Variants in DLG2 observed in about 807,000 individuals in gnomAD.
DLG2 encodes discs large MAGUK scaffold protein 2, also known as disks large homolog 2.
DLG2 carries 45 observed loss-of-function variants against 132.5 expected under a neutral mutation model. The observed-to-expected ratio is 0.34, with a 90% CI of 0.27 to 0.44. DLG2 has a LOEUF of 0.44. Among genes scored for constraint, DLG2 ranks in the 20% least tolerant of loss-of-function variants. The probability of loss-of-function intolerance (pLI) is 1.00; values close to 1 mark genes in which losing one functional copy is unlikely to be tolerated. For missense variants in DLG2, 1,045 were observed against 1,196.9 expected (o/e 0.87, Z 1.87); for synonymous variants, 424 against 419.6 (o/e 1.01, Z -0.13).
chr11:83,754,338 G>A (rs2093561187), intron 18 of DLG2, among the ~76,000 whole-genome samples: 1 of 150,922 alleles, frequency 6.6e-6, no homozygotes, highest in Non-Finnish European at 1.5e-5. Flanking sequence ...CACTTATTTT[G>A]CATTAAATGT....
At position 85,195,523 on chromosome 11, in the gene DLG2, GT is replaced by G. The variant is rs34574453; in HGVS notation, c.187-40873del. 5.7e-3 allele frequency among the ~76,000 whole-genome samples: 767 copies of G among 133,702 alleles called. 1 individual carries two copies. The highest frequency in any genetic ancestry group is 0.011 in the African/African-American group (416 of 36,590). The allele number at this position is 133,702 out of a possible 152,430, so 87.7% of individuals were successfully genotyped here. A position where few individuals can be genotyped will look rare whatever the true frequency, so the allele number is the denominator to read the frequency against. ...AATTATTTTCTCTGAAAGTGACAGT[GT>G]TTTTTTTTTTTTTTTTTGAGACGGA... On this transcript the variant is annotated intron_variant, in intron 4 of 27. Transcript: ENST00000376104.
In DLG2 at chr11:84,166,939, C is replaced by T. The variant is rs533326448; in HGVS notation, c.574-3428G>A. On this transcript the variant is annotated intron_variant, in intron 8 of 27. Coordinates refer to ENST00000376104, the MANE Select transcript of DLG2 (RefSeq NM_001142699.3). ...TTTTTTTCTTGTACAGTAACACTTA[C>T]GGTAATATTTAAGTACCTTGGTCAT... The T allele has an allele frequency of 2.3e-4, 125 of 533,254 alleles. 1 individual carries two copies. The highest frequency in any genetic ancestry group is 1.3e-3 in the South Asian group (96 of 71,590). 33.0% of individuals were successfully genotyped at this position (533,254 alleles called of 1,614,324 possible).
chr11:84,531,551 G>A (rs866066110), intron 7 of DLG2, among the ~76,000 whole-genome samples: 1 of 152,090 alleles, frequency 6.6e-6, no homozygotes, highest in Non-Finnish European at 1.5e-5. Context: ...ACCTCGAGAA[G>A]GTCATGATGA....
chr11:83,629,097 C>G (rs1031382198), intron 19 of DLG2, among the ~76,000 whole-genome samples: 1 of 152,072 alleles, frequency 6.6e-6, no homozygotes, highest in African/African-American at 2.4e-5. Flanking sequence ...GATATCTTTC[C>G]ATGGAAGCAA....
rs530946731 is a variant in DLG2 at position 83,874,798 on chromosome 11, C to T, written c.1497-310G>A. 2.6e-4 allele frequency among the ~76,000 whole-genome samples: 40 copies of T among 152,164 alleles called. 1 individual carries two copies. In the South Asian group the frequency reaches 8.3e-3, roughly 32 times the overall value. ...ATTAAATATTTGGTGATAGGTAGAA[C>T]CCTCCACCAAAATATAGTACTCTAC... On this transcript the variant is annotated intron_variant, in intron 15 of 27. Coordinates refer to ENST00000376104, the MANE Select transcript of DLG2 (RefSeq NM_001142699.3).
intron 6 of DLG2, among the ~76,000 whole-genome samples, chr11:84,808,336 C>G (rs1164132578): frequency 6.6e-6 from 1 of 151,826 alleles, no homozygotes; most frequent in East Asian, 1.9e-4. Context: ...GTTAAAGTCA[C>G]CCTAAAGTGA....
chr11:83,894,504 T>A (rs989879746), intron 15 of DLG2, among the ~76,000 whole-genome samples: 1 of 152,302 alleles, frequency 6.6e-6, no homozygotes, highest in South Asian at 2.1e-4. Context: ...TCCCTCTGAA[T>A]TAAATAAAGT....
intron 7 of DLG2, among the ~76,000 whole-genome samples, chr11:84,252,994 T>C (rs2097409025): frequency 6.6e-6 from 1 of 152,172 alleles, no homozygotes; most frequent in African/African-American, 2.4e-5. Context: ...CAGCAGGTTT[T>C]ACAAAACAAA....
At chr11:84,361,489 TA>T (rs2098649449) in intron 7 of DLG2, among the ~76,000 whole-genome samples, 1 of 151,896 alleles carries the variant, frequency 6.6e-6, no homozygotes, top group African/African-American at 2.4e-5. Flanking sequence ...AAATATCATT[TA>T]AAAAGGACAA....
chr11:83,937,279 G>A (rs1177196792), intron 14 of DLG2, among the ~76,000 whole-genome samples: 2 of 151,894 alleles, frequency 1.3e-5, no homozygotes, highest in Non-Finnish European at 2.9e-5. Flanking sequence ...AGGCCGAGGT[G>A]GGCGGATCAC....
At position 83,459,692 on chromosome 11, in the gene DLG2, G is replaced by A. The variant is rs74594538; in HGVS notation, c.*126C>T. 7,503 of 608,210 alleles carry A rather than the reference G, an allele frequency of 0.012. 291 individuals carry two copies. The highest frequency in any genetic ancestry group is 0.097 in the African/African-American group (5,253 of 54,118). The allele number at this position is 608,210 out of a possible 1,614,324, so 37.7% of individuals were successfully genotyped here. The stretch of plus-strand genomic sequence containing the variant: ...TTCATACAGTTTGTGTTGTACATTC[G>A]TAAGAATTCACATTGACTGCAAAAA... On this transcript the variant is annotated 3_prime_UTR_variant, in exon 28 of 28. Coordinates refer to ENST00000376104, the MANE Select transcript of DLG2 (RefSeq NM_001142699.3).
chr11:84,544,826 TAAC>T (rs2099386394), intron 6 of DLG2, among the ~76,000 whole-genome samples: 1 of 152,142 alleles, frequency 6.6e-6, no homozygotes, highest in African/African-American at 2.4e-5. Flanking sequence ...AGATTTGTCG[TAAC>T]AACAACAGCC....
chr11:85,276,010 C>T (rs1374507519), intron 4 of DLG2, among the ~76,000 whole-genome samples: 5 of 152,170 alleles, frequency 3.3e-5, no homozygotes, highest in South Asian at 2.1e-4. Context: ...TCTCCATGGA[C>T]GGAGTCTAAG....
intron 4 of DLG2, among the ~76,000 whole-genome samples, chr11:85,265,725 C>A (rs2077174249): frequency 6.6e-6 from 1 of 152,228 alleles, no homozygotes; most frequent in South Asian, 2.1e-4. Context: ...GCTGCACCCA[C>A]CATCCTGTGC....
At chr11:83,486,260 AAAAG>A (rs764034445) in intron 21 of DLG2, 1 of 678,304 alleles carries the variant, frequency 1.5e-6, no homozygotes, top group South Asian at 1.5e-5. Context: ...AACTGAAAAT[AAAAG>A]AAAAAAAATC....
intron 3 of DLG2, among the ~76,000 whole-genome samples, chr11:85,385,911 A>G (rs2086283877): frequency 6.6e-6 from 1 of 152,200 alleles, no homozygotes; most frequent in Admixed American, 6.5e-5. Flanking sequence ...GTTTCCCTTT[A>G]CTCCACCCCA....
intron 17 of DLG2, among the ~76,000 whole-genome samples, chr11:83,806,146 C>A (rs964994904): frequency 2.0e-5 from 3 of 152,142 alleles, no homozygotes; most frequent in Non-Finnish European, 4.4e-5. Context: ...TCTTCCCAGA[C>A]CTCCTGTAAT....
chr11:85,012,905 C>T (rs1197173215), intron 6 of DLG2, among the ~76,000 whole-genome samples: 1 of 152,032 alleles, frequency 6.6e-6, no homozygotes, highest in Non-Finnish European at 1.5e-5. Flanking sequence ...CCCCTTAGAG[C>T]CTGTGTCATC....
intron 6 of DLG2, among the ~76,000 whole-genome samples, chr11:84,909,502 A>G (rs1475223308): frequency 6.6e-6 from 1 of 152,188 alleles, no homozygotes; most frequent in Non-Finnish European, 1.5e-5. Context: ...ACAGGTTTTA[A>G]TCATGATTAA....
Sources: gnomAD v4.1 joint callset for allele counts (sites outside exome capture counted in the v4.1 genomes callset) on GRCh38, gnomAD v4.1.1 for gene constraint, MANE v1.5 for transcripts, NCBI Gene and HGNC (gene_info 2026-07-23, HGNC 2026-07-21) for gene names.